Variants in PLCG2 observed in about 807,000 individuals in gnomAD.
PLCG2 encodes 1-phosphatidylinositol 4,5-bisphosphate phosphodiesterase gamma-2.
Under a neutral mutation model 175.6 loss-of-function variants are expected in PLCG2, and 69 were observed. The observed-to-expected ratio is 0.39, with a 90% confidence interval of 0.32 to 0.48. PLCG2 has a LOEUF of 0.48. Ranked by LOEUF, PLCG2 falls within the 20% of genes least tolerant of loss-of-function variation. The pLI, the probability that PLCG2 is intolerant of heterozygous loss-of-function variation, is 0.91. For missense variants in PLCG2, 1,798 were observed against 1,650.9 expected, an observed-to-expected ratio of 1.09 and a Z score of -1.54; for synonymous variants, 827 against 624.0, an observed-to-expected ratio of 1.33 and a Z score of -4.85.
At chr16:81,874,049 A>C (rs1246006885) in intron 7 of PLCG2, among the ~76,000 whole-genome samples, 2 of 152,194 alleles carry the variant, frequency 1.3e-5, no homozygotes, top group African/African-American at 4.8e-5. Flanking sequence ...TTCTGCCGAT[A>C]CCAAAGGTTG....
chr16:81,764,486 A>G (rs1910103200), intron 2 of PLCG2, among the ~76,000 whole-genome samples: 1 of 152,168 alleles, frequency 6.6e-6, no homozygotes, highest in African/African-American at 2.4e-5. Context: ...CTGGCATCTG[A>G]ATAGATTCAC....
At chr16:81,915,481 T>C (rs1057170588) in intron 19 of PLCG2, among the ~76,000 whole-genome samples, 1 of 152,240 alleles carries the variant, frequency 6.6e-6, no homozygotes, top group Non-Finnish European at 1.5e-5. Context: ...TCCAGGAGGA[T>C]GGAAGATGCA....
intron 2 of PLCG2, among the ~76,000 whole-genome samples, chr16:81,762,211 G>C (rs1910055900): frequency 6.6e-6 from 1 of 152,064 alleles, no homozygotes; most frequent in South Asian, 2.1e-4. Flanking sequence ...TAATTTTAAT[G>C]CATTTCAAAG....
intron 3 of PLCG2, among the ~76,000 whole-genome samples, chr16:81,856,412 C>T (rs1192030651): frequency 6.6e-6 from 1 of 152,088 alleles, no homozygotes; most frequent in Non-Finnish European, 1.5e-5. Context: ...TTCCTTTTGC[C>T]AGATGCCAAG....
chr16:81,848,160 G>T (rs144402001), intron 2 of PLCG2, among the ~76,000 whole-genome samples: 6 of 152,334 alleles, frequency 3.9e-5, no homozygotes, highest in African/African-American at 1.2e-4. Flanking sequence ...GATCAAGAGC[G>T]CAGAAATAGA....
chr16:81,768,569 T>TC (rs1238794451), intron 2 of PLCG2, among the ~76,000 whole-genome samples: 22 of 84,858 alleles, frequency 2.6e-4, no homozygotes, highest in Admixed American at 9.2e-4. Flanking sequence ...TTTTTTTTTT[T>TC]TTTTTTTTTT....
At chr16:81,907,301 G>C (rs576286051) in intron 15 of PLCG2, among the ~76,000 whole-genome samples, 1 of 147,958 alleles carries the variant, frequency 6.8e-6, no homozygotes, top group Non-Finnish European at 1.5e-5. Context: ...AAATTTCATC[G>C]GGGGAAAAAA....
At chr16:81,780,694 G>T (rs1407990860) in intron 1 of PLCG2, among the ~76,000 whole-genome samples, 5 of 152,142 alleles carry the variant, frequency 3.3e-5, no homozygotes, top group African/African-American at 1.2e-4. Context: ...GCACTCATTG[G>T]GTAGAGTCAA....
At chr16:81,881,588 A>G (rs1335206488) in intron 8 of PLCG2, among the ~76,000 whole-genome samples, 1 of 152,216 alleles carries the variant, frequency 6.6e-6, no homozygotes, top group East Asian at 1.9e-4. Flanking sequence ...TCCCTCTGTC[A>G]CTTTTGAAAT....
intron 1 of PLCG2, among the ~76,000 whole-genome samples, chr16:81,746,382 C>A (rs890034684): frequency 6.6e-6 from 1 of 152,148 alleles, no homozygotes; most frequent in African/African-American, 2.4e-5. Flanking sequence ...GAAGCATGGC[C>A]GCAGCGGTGA....
At chr16:81,862,458 G>A (rs933636214) in intron 5 of PLCG2, among the ~76,000 whole-genome samples, 6 of 152,234 alleles carry the variant, frequency 3.9e-5, no homozygotes, top group African/African-American at 1.4e-4. Context: ...GGACACTGAG[G>A]CCCAGAGAGG....
intron 9 of PLCG2, among the ~76,000 whole-genome samples, chr16:81,887,607 G>C (rs8060951): frequency 0.61 from 92,640 of 151,992 alleles, 28,432 homozygotes; most frequent in Admixed American, 0.7. Context: ...TCACCAGCCT[G>C]CTGGTCACCA....
At chr16:81,905,348 A>G in intron 14 of PLCG2, 55 bp from the exon 15 acceptor site, 1 of 1,249,424 alleles carries the variant, frequency 8.0e-7, no homozygotes, top group Non-Finnish European at 1.2e-6. Context: ...TGCTGGCTCA[A>G]AGGCCTAAAC....
chr16:81,904,619 C>T (rs1264431323), intron 14 of PLCG2, among the ~76,000 whole-genome samples: 2 of 152,224 alleles, frequency 1.3e-5, no homozygotes, highest in South Asian at 4.1e-4. Flanking sequence ...CCTGCCTTTC[C>T]CTCTGTGTGC....
Position 81,893,762 on chromosome 16 carries a change from G to A in PLCG2, c.1040G>A (p.Arg347His), listed in dbSNP as rs781016626. 6.2e-7 allele frequency: 1 copy of A among 1,612,122 alleles called. No homozygotes were observed. Among genetic ancestry groups the A allele is most frequent in the Non-Finnish European group, 8.5e-7 (1 of 1,179,070 alleles). ...GAGTCGTCCCCAGAAGCTTACATCCGCTGCCTGCGCATGGGCTGTCGCTGC... is the reference window on the plus strand; with the variant it reads ...GAGTCGTCCCCAGAAGCTTACATCCACTGCCTGCGCATGGGCTGTCGCTGC... The part of the protein sequence containing the change: ...RSESSPEAYI[R>H]CLRMGCRCIE... Residue 347 changes from arginine (R) to histidine (H), a missense_variant, in exon 12 of 33, where the codon CGC (arginine) becomes CAC (histidine). Physicochemically the swap from Arg to His is conservative, Grantham distance 29. Transcript: ENST00000564138.
In PLCG2 at chr16:81,802,172, G is replaced by T. The variant is rs1309981507; in HGVS notation, c.193+15990G>T. ...CTTTCGCCCAGGCCAGAGTGCAGTG[G>T]CGCTATCTTGGCTCACTGCAAGCTC... On this transcript the variant is annotated intron_variant, in intron 2 of 32. Transcript: ENST00000564138. Among the ~76,000 whole-genome samples, 3 of 130,538 alleles carry T rather than the reference G, an allele frequency of 2.3e-5. No individual in the cohort carries two copies. The East Asian group carries it at 7.3e-4, about 32-fold the overall frequency. The allele number at this position is 130,538 out of a possible 152,430, so 85.6% of individuals were successfully genotyped here.
chr16:81,875,562 A>G (rs1907740669), intron 7 of PLCG2, among the ~76,000 whole-genome samples: 1 of 152,192 alleles, frequency 6.6e-6, no homozygotes, highest in South Asian at 2.1e-4. Flanking sequence ...GACTTCAGCC[A>G]TTATCACCTT....
At chr16:81,879,836 G>A (rs1374143751) in intron 7 of PLCG2, among the ~76,000 whole-genome samples, 1 of 152,198 alleles carries the variant, frequency 6.6e-6, no homozygotes, top group Admixed American at 6.5e-5. Context: ...GCCCCCCTTG[G>A]TGGAAGAGCC....
intron 2 of PLCG2, among the ~76,000 whole-genome samples, chr16:81,789,079 TAACA>T (rs913918564): frequency 3.9e-5 from 6 of 152,214 alleles, no homozygotes; most frequent in Non-Finnish European, 5.9e-5. Context: ...TACACCTGTG[TAACA>T]AACCTGCATG....
Sources: gnomAD v4.1 joint callset for allele counts (sites outside exome capture counted in the v4.1 genomes callset) on GRCh38, gnomAD v4.1.1 for gene constraint, MANE v1.5 for transcripts, NCBI Gene and HGNC (gene_info 2026-07-23, HGNC 2026-07-21) for gene names.